Variants in MMP9 observed in about 807,000 individuals in gnomAD.
MMP9 encodes matrix metallopeptidase 9, also known as matrix metalloproteinase-9.
A neutral mutation model predicts 76.4 loss-of-function variants in MMP9; 73 were observed. That is an observed-to-expected ratio of 0.96 (90% CI 0.79 to 1.16). The LOEUF (loss-of-function observed/expected upper bound fraction) is 1.16. Ranked by LOEUF, MMP9 falls within the 50% of genes most tolerant of loss-of-function variation. The pLI is 0.00. For synonymous variants in MMP9, 412 were observed against 408.4 expected (o/e 1.01, Z -0.11); for missense variants, 943 against 973.0 (o/e 0.97, Z 0.41).
rs951908837 is a variant in MMP9, at chr20:46,011,426, G to A, written c.823+110G>A. 2.6e-6 allele frequency: 4 copies of A among 1,563,224 alleles called. No homozygotes were observed. The South Asian group carries it at 3.3e-5, about 13-fold the overall frequency. Reference sequence around the variant, plus strand: ...TGTGTGGCCTGCAATTCACCCTCCCGCACTCTGGGCCCAATTTTCTCATCT... The same window carrying A: ...TGTGTGGCCTGCAATTCACCCTCCCACACTCTGGGCCCAATTTTCTCATCT... On this transcript the variant is annotated intron_variant, in intron 5 of 12. Transcript: ENST00000372330.
At position 46,009,019 on chromosome 20, in the gene MMP9, C is replaced by T. The variant is rs200436945; in HGVS notation, c.93C>T (p.Phe31=). The T allele has an allele frequency of 3.7e-6, 6 of 1,613,958 alleles. No individual in the cohort carries two copies. The East Asian group carries it at 6.7e-5, about 18-fold the overall frequency. The part of the protein sequence containing the change: ...PRQRQSTLVL[F]PGDLRTNLTD... ...AGCGCCAGTCCACCCTTGTGCTCTTCCCTGGAGACCTGAGAACCAATCTCA... is the reference window on the plus strand; with the variant it reads ...AGCGCCAGTCCACCCTTGTGCTCTTTCCTGGAGACCTGAGAACCAATCTCA... The change falls in exon 1 of 13, where the codon TTC becomes TTT. Residue 31 remains phenylalanine, a synonymous_variant. Coordinates refer to ENST00000372330, the MANE Select transcript of MMP9 (RefSeq NM_004994.3).
Position 46,013,988 on chromosome 20 carries a change from A to G in MMP9, c.1751-136A>G, listed in dbSNP as rs1293748318. The G allele has an allele frequency of 2.1e-6, 3 of 1,438,752 alleles. No individual in the cohort carries two copies. Among genetic ancestry groups the G allele is most frequent in the Admixed American group, 4.1e-5 (2 of 48,572 alleles). 89.1% of individuals were successfully genotyped at this position (1,438,752 alleles called of 1,614,324 possible). ...TCCACGCCCTCGCGTCGCTCTACCC[A>G]GCGCCTCTGCCCCTGGGTTGCAGGG... On this transcript the variant is annotated intron_variant, in intron 10 of 12. Transcript: ENST00000372330. The surrounding 1 kb of genome is among the most constrained non-coding windows in gnomAD (Gnocchi z 4.5).
At chr20:46,011,345 G>T (rs1378985271) in intron 5 of MMP9, 29 bp downstream of exon 5, 1 of 1,595,748 alleles carries the variant, frequency 6.3e-7, no homozygotes, top group Admixed American at 1.7e-5. Context: ...CGAGGGCTGG[G>T]GGCGCCCACC....
rs2084277529 is a variant in MMP9, at chr20:46,011,320, A to T, written c.823+4A>T. On this transcript the variant is annotated splice_donor_region_variant and intron_variant, in intron 5 of 12. Transcript: ENST00000372330. Reference sequence around the variant, plus strand: ...TTTGGCTTCTGCCCCAGCGAGAGTGAGTGAGGGGGCTCGCCGAGGGCTGGG... The same window carrying T: ...TTTGGCTTCTGCCCCAGCGAGAGTGTGTGAGGGGGCTCGCCGAGGGCTGGG... The T allele has an allele frequency of 1.2e-6, 2 of 1,600,528 alleles. No homozygotes were observed. The highest frequency in any genetic ancestry group is 1.7e-6 in the Non-Finnish European group (2 of 1,176,586).
chr20:46,011,169 G>C lies in MMP9; in HGVS notation c.676G>C (p.Asp226His), dbSNP rs1568847161. 6.2e-7 allele frequency: 1 copy of C among 1,614,160 alleles called. No homozygotes were observed. Residue 226 changes from aspartate (D) to histidine (H), a missense_variant, in exon 5 of 13, where the codon GAT becomes CAT. Asp to His is a moderately conservative substitution (Grantham distance 81, BLOSUM62 -1). Transcript: ENST00000372330. The part of the protein sequence containing the change: ...VVVPTRFGNA[D>H]GAACHFPFIF... ...GGTTCCAACTCGGTTTGGAAACGCAGATGGCGCGGCCTGCCACTTCCCCTT... is the reference window on the plus strand; with the variant it reads ...GGTTCCAACTCGGTTTGGAAACGCACATGGCGCGGCCTGCCACTTCCCCTT...
chr20:46,010,118 G>C lies in MMP9; in HGVS notation c.371+20G>C. On this transcript the variant is annotated intron_variant, in intron 2 of 12. Transcript: ENST00000372330. ...CTATTGGTGAGCCGGGGCCGTGGGGGCAGCGGGGTGGGGCGGGGAGGCCAG... is the reference window on the plus strand; with the variant it reads ...CTATTGGTGAGCCGGGGCCGTGGGGCCAGCGGGGTGGGGCGGGGAGGCCAG... 3 of 1,516,278 alleles carry C rather than the reference G, an allele frequency of 2.0e-6. No homozygotes were observed. The highest frequency in any genetic ancestry group is 1.2e-5 in the South Asian group (1 of 83,236). The allele number at this position is 1,516,278 out of a possible 1,614,324, so 93.9% of individuals were successfully genotyped here. A position where few individuals can be genotyped will look rare whatever the true frequency, so the allele number is the denominator to read the frequency against.
At chr20:46,016,110 T>C (rs1249733473) in intron 12 of MMP9, 140 bp from the exon 13 acceptor site, 5 of 819,062 alleles carry the variant, frequency 6.1e-6, no homozygotes, top group Middle Eastern at 2.5e-4. Context: ...ATCTCACAGG[T>C]TGGGGGGATG....
At chr20:46,016,100 A>C in intron 12 of MMP9, 150 bp from the exon 13 acceptor site, 1 of 793,038 alleles carries the variant, frequency 1.3e-6, no homozygotes, top group Non-Finnish European at 2.2e-6. Context: ...ACCTCACAGC[A>C]TCTCACAGGT....
rs769668671 is a variant in MMP9, at chr20:46,011,728, C to A, written c.978C>A (p.Phe326Leu). The A allele has an allele frequency of 6.2e-7, 1 of 1,612,702 alleles. No individual in the cohort carries two copies. The highest frequency in any genetic ancestry group is 8.5e-7 in the Non-Finnish European group (1 of 1,179,868). The change falls in exon 6 of 13, where the codon TTC (phenylalanine) becomes TTA (leucine). Residue 326 changes from phenylalanine to leucine, a missense_variant. By Grantham distance (22) the Phe-to-Leu change is conservative (BLOSUM62 0). Coordinates refer to ENST00000372330, the MANE Select transcript of MMP9 (RefSeq NM_004994.3). ...CCAACTACGACCGGGACAAGCTCTT[C>A]GGCTTCTGCCCGACCCGAGGTACCT... ...TTANYDRDKL[F>L]GFCPTRADST...
intron 5 of MMP9, 70 bp downstream of exon 5, chr20:46,011,386 C>A (rs1284978520): frequency 1.3e-6 from 2 of 1,582,978 alleles, no homozygotes; most frequent in Non-Finnish European, 1.7e-6. Flanking sequence ...CTAATTCCAG[C>A]TCTGCCACTA....
chr20:46,011,122 C>G (rs914407056), intron 4 of MMP9, 21 bp from the exon 5 acceptor site: 1 of 1,614,064 alleles, frequency 6.2e-7, no homozygotes, highest in Admixed American at 1.7e-5. Context: ...GCCCTAACTC[C>G]GGTCCCCCCT....
In MMP9 at chr20:46,010,954, G is replaced by T; in HGVS notation, c.553G>T (p.Asp185Tyr). 6.2e-7 allele frequency: 1 copy of T among 1,614,264 alleles called. No individual in the cohort carries two copies. Among genetic ancestry groups the T allele is most frequent in the Non-Finnish European group, 8.5e-7 (1 of 1,180,054 alleles). ...AGACGGGTATCCCTTCGACGGGAAG[G>T]ACGGGCTCCTGGCACACGCCTTTCC... ...HGDGYPFDGK[D>Y]GLLAHAFPPG... Residue 185 changes from aspartate to tyrosine, a missense_variant, in exon 4 of 13, where the codon GAC becomes TAC. Coordinates refer to ENST00000372330, the MANE Select transcript of MMP9 (RefSeq NM_004994.3).
chr20:46,011,225 C>A lies in MMP9; in HGVS notation c.732C>A (p.Cys244Ter). 1 of 1,613,884 alleles carries A rather than the reference C, an allele frequency of 6.2e-7. No individual in the cohort carries two copies. The change falls in exon 5 of 13, where the codon TGC (cysteine) becomes TGA (stop). Residue 244 changes from cysteine to a stop codon, truncating the protein, a stop_gained. Transcript: ENST00000372330. LOFTEE classifies it high-confidence loss of function. ...FIFEGRSYSA[C>*]TTDGRSDGLP... ...TCGAGGGCCGCTCCTACTCTGCCTGCACCACCGACGGTCGCTCCGACGGCT... is the reference window on the plus strand; with the variant it reads ...TCGAGGGCCGCTCCTACTCTGCCTGAACCACCGACGGTCGCTCCGACGGCT...
rs565609996 is a variant in MMP9, at chr20:46,010,157, G to A, written c.371+59G>A. On this transcript the variant is annotated intron_variant, in intron 2 of 12. Coordinates refer to ENST00000372330, the MANE Select transcript of MMP9 (RefSeq NM_004994.3). ...CGGGGAGGCCAGGTCTGGCTCTTGG[G>A]CCAGCGGTGAACATGTCCTGTCTTG... is the stretch of plus-strand genomic sequence containing the variant. 5.3e-4 allele frequency: 777 copies of A among 1,454,162 alleles called. 2 individuals carry two copies. Among genetic ancestry groups the A allele is most frequent in the South Asian group, 1.0e-3 (82 of 79,484 alleles). 90.1% of individuals were successfully genotyped at this position (1,454,162 alleles called of 1,614,324 possible).
chr20:46,011,659 C>T lies in MMP9; in HGVS notation c.909C>T (p.Thr303=). 6.2e-7 allele frequency: 1 copy of T among 1,614,086 alleles called. No homozygotes were observed. Among genetic ancestry groups the T allele is most frequent in the Non-Finnish European group, 8.5e-7 (1 of 1,180,036 alleles). ...AAGGCCAATCCTACTCCGCCTGCAC[C>T]ACGGACGGTCGCTCCGACGGCTACC... ...IFQGQSYSAC[T]TDGRSDGYRW... is the part of the protein sequence containing the mutation. Residue 303 remains threonine (T), a synonymous_variant, in exon 6 of 13, where the codon ACC becomes ACT. Transcript: ENST00000372330.
At position 46,016,301 on chromosome 20, in the gene MMP9, G is replaced by A. The variant is rs151173908; in HGVS notation, c.2057G>A (p.Ser686Asn). 2.8e-5 allele frequency: 45 copies of A among 1,614,126 alleles called. No individual in the cohort carries two copies. The highest frequency in any genetic ancestry group is 7.7e-5 in the South Asian group (7 of 91,092). Residue 686 changes from serine to asparagine, a missense_variant, in exon 13 of 13, where the codon AGT becomes AAT. Physicochemically the swap from Ser to Asn is conservative, Grantham distance 46. Coordinates refer to ENST00000372330, the MANE Select transcript of MMP9 (RefSeq NM_004994.3). ...TTCTACTGGCGCGTGAGTTCCCGGAGTGAGTTGAACCAGGTGGACCAAGTG... is the reference window on the plus strand; with the variant it reads ...TTCTACTGGCGCGTGAGTTCCCGGAATGAGTTGAACCAGGTGGACCAAGTG... ...DRFYWRVSSRSELNQVDQVGY... is the reference protein window; with the variant it reads ...DRFYWRVSSRNELNQVDQVGY...
chr20:46,011,227 C>T lies in MMP9; in HGVS notation c.734C>T (p.Thr245Ile), dbSNP rs1265778843. Residue 245 changes from threonine to isoleucine, a missense_variant, in exon 5 of 13, where the codon ACC becomes ATC. By Grantham distance (89) the Thr-to-Ile change is moderately conservative (BLOSUM62 -1). Coordinates refer to ENST00000372330, the MANE Select transcript of MMP9 (RefSeq NM_004994.3). ...IFEGRSYSACTTDGRSDGLPW... is the reference protein window; with the variant it reads ...IFEGRSYSACITDGRSDGLPW... The stretch of plus-strand genomic sequence containing the variant: ...GAGGGCCGCTCCTACTCTGCCTGCA[C>T]CACCGACGGTCGCTCCGACGGCTTG... 6.2e-7 allele frequency: 1 copy of T among 1,613,604 alleles called. No homozygotes were observed. Among genetic ancestry groups the T allele is most frequent in the African/African-American group, 1.3e-5 (1 of 74,948 alleles).
chr20:46,011,007 C>G lies in MMP9; in HGVS notation c.606C>G (p.Ala202=). The G allele has an allele frequency of 6.2e-7, 1 of 1,613,804 alleles. No homozygotes were observed. Among genetic ancestry groups the G allele is most frequent in the Non-Finnish European group, 8.5e-7 (1 of 1,179,802 alleles). The change falls in exon 4 of 13, where the codon GCC becomes GCG. Residue 202 remains alanine, a synonymous_variant. Transcript: ENST00000372330. ...CTGGCCCCGGCATTCAGGGAGACGC[C>G]CATTTCGACGATGACGAGTTGTGGT... is the stretch of plus-strand genomic sequence containing the variant. ...FPPGPGIQGD[A]HFDDDELWSL...
Position 46,013,343 on chromosome 20 carries a change from C to T in MMP9, c.1419C>T (p.Pro473=). 3.1e-6 allele frequency: 5 copies of T among 1,613,500 alleles called. No individual in the cohort carries two copies. The highest frequency in any genetic ancestry group is 4.2e-6 in the Non-Finnish European group (5 of 1,179,596). Reference sequence around the variant, plus strand: ...CGACGGTCTGCCCCACCGGACCCCCCACTGTCCACCCCTCAGAGCGCCCCA... The same window carrying T: ...CGACGGTCTGCCCCACCGGACCCCCTACTGTCCACCCCTCAGAGCGCCCCA... The part of the protein sequence containing the change: ...APPTVCPTGP[P]TVHPSERPTA... Residue 473 remains proline, a synonymous_variant, in exon 9 of 13, where the codon CCC becomes CCT. Coordinates refer to ENST00000372330, the MANE Select transcript of MMP9 (RefSeq NM_004994.3). This position sits in a 1 kb window ranked among gnomAD's most constrained non-coding sequence, Gnocchi z 4.5.
Sources: gnomAD v4.1 joint callset for allele counts on GRCh38, gnomAD v4.1.1 for gene constraint, Gnocchi (gnomAD v3.1) non-coding constraint, MANE v1.5 for transcripts, NCBI Gene and HGNC (gene_info 2026-07-23, HGNC 2026-07-21) for gene names.